PDZRN4: variants seen among roughly 807,000 people sequenced by gnomAD.
PDZRN4 encodes PDZ domain-containing RING finger protein 4.
PDZRN4 carries 70 observed loss-of-function variants against 99.0 expected under a neutral mutation model. The observed-to-expected ratio is 0.71, with a 90% confidence interval of 0.58 to 0.86. PDZRN4 has a LOEUF of 0.86. Ranked by LOEUF, PDZRN4 falls within the 40% of genes least tolerant of loss-of-function variation. The pLI, the probability that PDZRN4 is intolerant of heterozygous loss-of-function variation, is 0.00. For synonymous variants in PDZRN4, 551 were observed against 501.6 expected (o/e 1.10, Z -1.32); for missense variants, 1,474 against 1,331.2 (o/e 1.11, Z -1.67).
intron 3 of PDZRN4, among the ~76,000 whole-genome samples, chr12:41,453,851 G>A (rs1437692157): frequency 7.2e-6 from 1 of 138,306 alleles, no homozygotes; most frequent in Non-Finnish European, 1.6e-5. Flanking sequence ...GCTTTAATTA[G>A]CAGGTTTACG....
Position 41,237,923 on chromosome 12 carries a change from T to C in PDZRN4, c.843+43735T>C, listed in dbSNP as rs193161861. Among the ~76,000 whole-genome samples, 7 of 152,302 alleles carry C rather than the reference T, an allele frequency of 4.6e-5. No individual in the cohort carries two copies. The East Asian group carries it at 1.4e-3, about 29-fold the overall frequency. ...GCGTGATGCCTCCAGCTTTGTTCTT[T>C]TTGCTTAGGATTGTCTTGGCTACTC... is the stretch of plus-strand genomic sequence containing the variant. On this transcript the variant is annotated intron_variant, in intron 3 of 9. Transcript: ENST00000402685.
chr12:41,291,037 A>C lies in PDZRN4; in HGVS notation c.843+96849A>C, dbSNP rs151140413. Among the ~76,000 whole-genome samples, 152 of 152,290 alleles carry C rather than the reference A, an allele frequency of 1.0e-3. 3 individuals are homozygous for C. Among genetic ancestry groups the C allele is most frequent in the African/African-American group, 3.5e-3 (147 of 41,594 alleles). On this transcript the variant is annotated intron_variant, in intron 3 of 9. Coordinates refer to ENST00000402685, the MANE Select transcript of PDZRN4 (RefSeq NM_001164595.2). ...TGCTTCCAAAGTTGCTTTTTAAAAAAAAATGCTACAATTAATCTTGGGTAA... is the reference window on the plus strand; with the variant it reads ...TGCTTCCAAAGTTGCTTTTTAAAAACAAATGCTACAATTAATCTTGGGTAA...
At chr12:41,513,253 T>G (rs1197434589) in intron 5 of PDZRN4, among the ~76,000 whole-genome samples, 1 of 152,080 alleles carries the variant, frequency 6.6e-6, no homozygotes, top group Admixed American at 6.6e-5. Flanking sequence ...TTGGAGATAT[T>G]ATACTCAGTG....
chr12:41,528,893 AT>A (rs1264949588), intron 5 of PDZRN4, among the ~76,000 whole-genome samples: 3 of 152,114 alleles, frequency 2.0e-5, no homozygotes, highest in Admixed American at 6.5e-5. Flanking sequence ...TTAAATCAAA[AT>A]TTTTATTGCA....
chr12:41,495,073 T>G (rs1169892034), intron 3 of PDZRN4, among the ~76,000 whole-genome samples: 1 of 152,116 alleles, frequency 6.6e-6, no homozygotes, highest in Non-Finnish European at 1.5e-5. Context: ...GTTTATATCC[T>G]ACACAAAGGT....
At chr12:41,331,663 G>A (rs972706914) in intron 3 of PDZRN4, among the ~76,000 whole-genome samples, 1 of 152,134 alleles carries the variant, frequency 6.6e-6, no homozygotes, top group Non-Finnish European at 1.5e-5. Context: ...AAATATCTGA[G>A]ACTAGGTAAT....
Position 41,498,988 on chromosome 12 carries a change from G to A in PDZRN4, c.844-7468G>A, listed in dbSNP as rs182244440. The stretch of plus-strand genomic sequence containing the variant: ...AGAAAACAAATAGCATAATCAAAGC[G>A]TTTAATTGAAGAAAGTTTAATGATG... On this transcript the variant is annotated intron_variant, in intron 3 of 9. Coordinates refer to ENST00000402685, the MANE Select transcript of PDZRN4 (RefSeq NM_001164595.2). 1.4e-3 allele frequency among the ~76,000 whole-genome samples: 213 copies of A among 152,148 alleles called. 1 individual carries two copies. Among genetic ancestry groups the A allele is most frequent in the South Asian group, 8.7e-3 (42 of 4,832 alleles).
intron 3 of PDZRN4, among the ~76,000 whole-genome samples, chr12:41,281,278 T>C (rs960577152): frequency 1.3e-5 from 2 of 151,830 alleles, no homozygotes; most frequent in Non-Finnish European, 2.9e-5. Context: ...GCAAATAGGC[T>C]GAAGATTTCA....
intron 3 of PDZRN4, among the ~76,000 whole-genome samples, chr12:41,292,872 A>G (rs1592000236): frequency 6.6e-6 from 1 of 151,944 alleles, no homozygotes; most frequent in Non-Finnish European, 1.5e-5. Flanking sequence ...GGGTTTTAAT[A>G]AACAACTCCA....
intron 3 of PDZRN4, among the ~76,000 whole-genome samples, chr12:41,266,995 A>T (rs1392190158): frequency 1.3e-5 from 2 of 152,192 alleles, no homozygotes; most frequent in East Asian, 3.9e-4. Flanking sequence ...TTAGACGACC[A>T]GCCCACCATC....
chr12:41,213,394 T>A (rs1950900256), intron 3 of PDZRN4, among the ~76,000 whole-genome samples: 1 of 151,998 alleles, frequency 6.6e-6, no homozygotes, highest in Non-Finnish European at 1.5e-5. Context: ...CTCTGGGAAG[T>A]CGTAAGCAAC....
At chr12:41,299,080 T>A (rs1951514893) in intron 3 of PDZRN4, among the ~76,000 whole-genome samples, 1 of 152,100 alleles carries the variant, frequency 6.6e-6, no homozygotes, top group Admixed American at 6.6e-5. Flanking sequence ...CATTCTTCAG[T>A]TAGAGCAATA....
chr12:41,473,704 A>G (rs1378613676), intron 3 of PDZRN4, among the ~76,000 whole-genome samples: 2 of 152,238 alleles, frequency 1.3e-5, no homozygotes, highest in Non-Finnish European at 2.9e-5. Context: ...ACCTGTCTCT[A>G]TCCCCACCCA....
At chr12:41,288,044 C>T (rs1049216818) in intron 3 of PDZRN4, among the ~76,000 whole-genome samples, 1 of 152,050 alleles carries the variant, frequency 6.6e-6, no homozygotes, top group African/African-American at 2.4e-5. Flanking sequence ...CCTGCTGCAA[C>T]GTGATGTATT....
intron 3 of PDZRN4, among the ~76,000 whole-genome samples, chr12:41,277,408 CT>C (rs1316824303): frequency 6.6e-6 from 1 of 152,190 alleles, no homozygotes; most frequent in African/African-American, 2.4e-5. Flanking sequence ...GATTTGTTAG[CT>C]CACAGGCACT....
At chr12:41,256,489 G>A (rs1162826854) in intron 3 of PDZRN4, among the ~76,000 whole-genome samples, 2 of 152,102 alleles carry the variant, frequency 1.3e-5, no homozygotes, top group South Asian at 2.1e-4. Context: ...GAAACCTGGA[G>A]CAACATATTG....
intron 3 of PDZRN4, among the ~76,000 whole-genome samples, chr12:41,316,972 C>G (rs36070978): frequency 0.16 from 23,349 of 146,012 alleles, 2,326 homozygotes; most frequent in Non-Finnish European, 0.22. Context: ...TCATCAAGCA[C>G]CCAATGTCAC....
chr12:41,437,939 C>T (rs758145977), intron 3 of PDZRN4: 3 of 1,613,868 alleles, frequency 1.9e-6, no homozygotes, highest in Non-Finnish European at 2.5e-6. Context: ...CTCTCTGCTT[C>T]TTAGAATGGG....
At chr12:41,227,189 T>A (rs1183893642) in intron 3 of PDZRN4, among the ~76,000 whole-genome samples, 2 of 152,156 alleles carry the variant, frequency 1.3e-5, no homozygotes, top group African/African-American at 4.8e-5. Flanking sequence ...GTGTGACATT[T>A]AGGGAATGAG....
Sources: allele counts gnomAD v4.1 joint callset (sites outside exome capture counted in the v4.1 genomes callset), GRCh38; gene constraint gnomAD v4.1.1; transcripts MANE v1.5; gene names NCBI Gene and HGNC (gene_info 2026-07-23, HGNC 2026-07-21).